Variants in RFTN1 observed in about 807,000 individuals in gnomAD.
RFTN1 encodes raftlin.
RFTN1 carries 26 observed loss-of-function variants against 46.5 expected under a neutral mutation model. The ratio of observed to expected loss-of-function variants is 0.56; its 90% confidence interval spans 0.41 to 0.78. RFTN1 has a LOEUF of 0.78. Among genes scored for constraint, RFTN1 ranks in the 30% least tolerant of loss-of-function variants. The pLI, the probability that RFTN1 is intolerant of heterozygous loss-of-function variation, is 0.00. For missense variants in RFTN1, 693 were observed against 718.7 expected, an observed-to-expected ratio of 0.96 and a Z score of 0.41; for synonymous variants, 261 against 284.2, an observed-to-expected ratio of 0.92 and a Z score of 0.82.
In RFTN1 at chr3:16,326,801, G is replaced by A. The variant is rs1298772274; in HGVS notation, c.1222C>T (p.Leu408=). 1 of 1,614,000 alleles carries A rather than the reference G, an allele frequency of 6.2e-7. No individual in the cohort carries two copies. Among genetic ancestry groups the A allele is most frequent in the Non-Finnish European group, 8.5e-7 (1 of 1,180,016 alleles). Residue 408 remains leucine, a synonymous_variant, in exon 8 of 10, where the codon CTA becomes TTA. Coordinates refer to ENST00000334133, the MANE Select transcript of RFTN1 (RefSeq NM_015150.2). The stretch of plus-strand genomic sequence containing the variant: ...GTAGTCTTGACGACGGGAGTTGGTA[G>A]CACACAGGTGAGCTGCCAGCCATAG... ...AAYGWQLTCV[L]PTPVVKTTSE... is the part of the protein sequence containing the mutation.
At chr3:16,333,564 A>C (rs960870611) in intron 7 of RFTN1, among the ~76,000 whole-genome samples, 2 of 152,214 alleles carry the variant, frequency 1.3e-5, no homozygotes, top group Admixed American at 1.3e-4. Context: ...CATTTAATAA[A>C]ATGTTATTAT....
chr3:16,354,583 TC>T (rs1391764846), intron 7 of RFTN1, among the ~76,000 whole-genome samples: 3 of 152,204 alleles, frequency 2.0e-5, no homozygotes, highest in Non-Finnish European at 4.4e-5. Flanking sequence ...CTTCAGGTCT[TC>T]CTTTCGTTGT....
chr3:16,323,305 A>G (rs1404251909), intron 9 of RFTN1, 71 bp downstream of exon 9: 11 of 1,186,082 alleles, frequency 9.3e-6, no homozygotes, highest in African/African-American at 1.5e-5. Flanking sequence ...GCCCCCTCAA[A>G]TGCTGCAGAA....
intron 3 of RFTN1, among the ~76,000 whole-genome samples, chr3:16,430,841 T>C (rs1030771719): frequency 4.6e-5 from 7 of 152,202 alleles, no homozygotes; most frequent in Non-Finnish European, 8.8e-5. Flanking sequence ...CCCTCCTGCA[T>C]ACAAAGTCTC....
rs2075187632 is a variant in RFTN1 at position 16,421,674 on chromosome 3, C to A, written c.332+12177G>T. 6.6e-6 allele frequency among the ~76,000 whole-genome samples: 1 copy of A among 152,076 alleles called. No individual in the cohort carries two copies. Among genetic ancestry groups the A allele is most frequent in the Non-Finnish European group, 1.5e-5 (1 of 67,986 alleles). Reference sequence around the variant, plus strand: ...CCAACATTGGTGTTTTAATCTCATACTGCGTCCCACAAAGCTCTTATGGGC... The same window carrying A: ...CCAACATTGGTGTTTTAATCTCATAATGCGTCCCACAAAGCTCTTATGGGC... On this transcript the variant is annotated intron_variant, in intron 3 of 9. Coordinates refer to ENST00000334133, the MANE Select transcript of RFTN1 (RefSeq NM_015150.2). The surrounding 1 kb of genome is among the most constrained non-coding windows in gnomAD (Gnocchi z 4.6).
Position 16,433,996 on chromosome 3 carries a change from G to T in RFTN1, c.187C>A (p.Arg63Ser), listed in dbSNP as rs370730387. The T allele has an allele frequency of 2.5e-6, 4 of 1,612,286 alleles. No homozygotes were observed. The highest frequency in any genetic ancestry group is 1.3e-5 in the African/African-American group (1 of 74,894). ...GSSAVRLASL[R>S]DLPAQLLELY... Reference sequence around the variant, plus strand: ...TCCAGGAGCTGGGCGGGCAGGTCACGCAGGGAGGCCAGCCTCACTGCTGAG... The same window carrying T: ...TCCAGGAGCTGGGCGGGCAGGTCACTCAGGGAGGCCAGCCTCACTGCTGAG... The change falls in exon 3 of 10, where the codon CGT (arginine) becomes AGT (serine). Residue 63 changes from arginine to serine, a missense_variant. Coordinates refer to ENST00000334133, the MANE Select transcript of RFTN1 (RefSeq NM_015150.2). The surrounding 1 kb of genome is among the most constrained non-coding windows in gnomAD (Gnocchi z 4.4).
chr3:16,364,303 T>C (rs2125345828), intron 6 of RFTN1, among the ~76,000 whole-genome samples: 1 of 152,356 alleles, frequency 6.6e-6, no homozygotes, highest in South Asian at 2.1e-4. Context: ...GTAAGAGCTG[T>C]CATTCCCTTT....
rs560819599 is a variant in RFTN1 at position 16,385,473 on chromosome 3, G to A, written c.442-7371C>T. On this transcript the variant is annotated intron_variant, in intron 4 of 9. Coordinates refer to ENST00000334133, the MANE Select transcript of RFTN1 (RefSeq NM_015150.2). This position sits in a 1 kb window ranked among gnomAD's most constrained non-coding sequence, Gnocchi z 5.0. ...TGAGAGGTCTTAGAATCTGCCCTTG[G>A]ACAAAGAGTTTGAAGGCTTAAAGCT... is the stretch of plus-strand genomic sequence containing the variant. Among the ~76,000 whole-genome samples the A allele has an allele frequency of 7.2e-5, 11 of 152,278 alleles. No individual in the cohort carries two copies. In the South Asian group the frequency reaches 2.3e-3, roughly 32 times the overall value.
In RFTN1 at chr3:16,383,432, G is replaced by A. The variant is rs569737392; in HGVS notation, c.442-5330C>T. Among the ~76,000 whole-genome samples, 56 of 152,242 alleles carry A rather than the reference G, an allele frequency of 3.7e-4. No individual in the cohort carries two copies. Among genetic ancestry groups the A allele is most frequent in the African/African-American group, 1.2e-3 (51 of 41,534 alleles). On this transcript the variant is annotated intron_variant, in intron 4 of 9. Coordinates refer to ENST00000334133, the MANE Select transcript of RFTN1 (RefSeq NM_015150.2). The surrounding 1 kb of genome is among the most constrained non-coding windows in gnomAD (Gnocchi z 4.0). ...ATAATAAGTAAGGACATGCTCCACT[G>A]TAACTATAATCAGGAATCATGATGT...
rs953445394 is a variant in RFTN1, at chr3:16,440,464, C to T, written c.146-6427G>A. Among the ~76,000 whole-genome samples, 1 of 152,194 alleles carries T rather than the reference C, an allele frequency of 6.6e-6. No homozygotes were observed. The highest frequency in any genetic ancestry group is 6.5e-5 in the Admixed American group (1 of 15,280). Reference sequence around the variant, plus strand: ...CTTCATCCCATACCAGGGCTTTGTCCTGCTGCAGTGCAAAGGACAATTCTC... The same window carrying T: ...CTTCATCCCATACCAGGGCTTTGTCTTGCTGCAGTGCAAAGGACAATTCTC... On this transcript the variant is annotated intron_variant, in intron 2 of 9. Transcript: ENST00000334133. This position sits in a 1 kb window ranked among gnomAD's most constrained non-coding sequence, Gnocchi z 4.6.
chr3:16,340,200 TTGACTCTGAGCTGGTTTTG>T (rs2071221922), intron 7 of RFTN1, among the ~76,000 whole-genome samples: 1 of 152,240 alleles, frequency 6.6e-6, no homozygotes, highest in South Asian at 2.1e-4. Context: ...TCTCCATCTC[TTGACTCTGAGCTGGTTTTG>T]TGACTTTCTT....
intron 8 of RFTN1, among the ~76,000 whole-genome samples, chr3:16,325,485 C>A (rs1206592379): frequency 6.6e-6 from 1 of 152,228 alleles, no homozygotes; most frequent in Non-Finnish European, 1.5e-5. Context: ...TGAGTCTTGT[C>A]TTCTGGAAAT....
At chr3:16,333,749 T>G (rs1472656732) in intron 7 of RFTN1, among the ~76,000 whole-genome samples, 1 of 151,758 alleles carries the variant, frequency 6.6e-6, no homozygotes, top group African/African-American at 2.4e-5. Flanking sequence ...TTGTAAAAAT[T>G]GAAAAGAAAA....
intron 4 of RFTN1, among the ~76,000 whole-genome samples, chr3:16,398,244 CAAAAAA>C (rs202032095): frequency 4.2e-3 from 464 of 110,626 alleles, no homozygotes; most frequent in African/African-American, 0.013. Context: ...AAGACTGTCT[CAAAAAA>C]AAAAAAAAAA....
rs79887027 is a variant in RFTN1 at position 16,321,453 on chromosome 3, T to C, written c.1332+1923A>G. 7.5e-3 allele frequency among the ~76,000 whole-genome samples: 1,146 copies of C among 152,130 alleles called. 47 individuals are homozygous for C. In the South Asian group the frequency reaches 0.11, roughly 15 times the overall value. ...CCGGGCTGCAAGAGCTCAGGCATGA[T>C]GAGGACTAGATGGAGTGACTCTCGG... is the stretch of plus-strand genomic sequence containing the variant. On this transcript the variant is annotated intron_variant, in intron 9 of 9. Coordinates refer to ENST00000334133, the MANE Select transcript of RFTN1 (RefSeq NM_015150.2). This position sits in a 1 kb window ranked among gnomAD's most constrained non-coding sequence, Gnocchi z 4.8.
At position 16,402,883 on chromosome 3, in the gene RFTN1, G is replaced by A. The variant is rs968187382; in HGVS notation, c.441+6492C>T. On this transcript the variant is annotated intron_variant, in intron 4 of 9. Transcript: ENST00000334133. This position sits in a 1 kb window ranked among gnomAD's most constrained non-coding sequence, Gnocchi z 4.5. ...AAGGCTCAGTGGGCCAGTGCAAGAT[G>A]AACCTAGTTCTTAAGGAGATCAGGG... 1.3e-5 allele frequency among the ~76,000 whole-genome samples: 2 copies of A among 152,178 alleles called. No homozygotes were observed. Among genetic ancestry groups the A allele is most frequent in the Non-Finnish European group, 2.9e-5 (2 of 68,040 alleles).
rs2075985097 is a variant in RFTN1, at chr3:16,460,289, A to C, written c.146-26252T>G. Among the ~76,000 whole-genome samples the C allele has an allele frequency of 6.6e-6, 1 of 152,154 alleles. No individual in the cohort carries two copies. Among genetic ancestry groups the C allele is most frequent in the Admixed American group, 6.5e-5 (1 of 15,280 alleles). ...GATGAGTTGCACATGGGTAGCATTTATATTAACTAAATTTGGTTTTCATTT... is the reference window on the plus strand; with the variant it reads ...GATGAGTTGCACATGGGTAGCATTTCTATTAACTAAATTTGGTTTTCATTT... On this transcript the variant is annotated intron_variant, in intron 2 of 9. Coordinates refer to ENST00000334133, the MANE Select transcript of RFTN1 (RefSeq NM_015150.2). This position sits in a 1 kb window ranked among gnomAD's most constrained non-coding sequence, Gnocchi z 4.8.
rs1390539351 is a variant in RFTN1 at position 16,509,876 on chromosome 3, T to C, written c.-9+3566A>G. On this transcript the variant is annotated intron_variant, in intron 1 of 9. Transcript: ENST00000334133. The surrounding 1 kb of genome is among the most constrained non-coding windows in gnomAD (Gnocchi z 4.9). ...GGAACAGTCCCCAAACACAGTGCAA[T>C]GTCTCAAGACTGAGCTGTCTGCCAT... is the stretch of plus-strand genomic sequence containing the variant. Among the ~76,000 whole-genome samples, 2 of 152,216 alleles carry C rather than the reference T, an allele frequency of 1.3e-5. No homozygotes were observed. The highest frequency in any genetic ancestry group is 2.9e-5 in the Non-Finnish European group (2 of 68,032).
rs1256948165 is a variant in RFTN1, at chr3:16,400,968, G to T, written c.441+8407C>A. Among the ~76,000 whole-genome samples, 5 of 151,818 alleles carry T rather than the reference G, an allele frequency of 3.3e-5. No homozygotes were observed. The highest frequency in any genetic ancestry group is 1.5e-5 in the Non-Finnish European group (1 of 67,926). On this transcript the variant is annotated intron_variant, in intron 4 of 9. Coordinates refer to ENST00000334133, the MANE Select transcript of RFTN1 (RefSeq NM_015150.2). This position sits in a 1 kb window ranked among gnomAD's most constrained non-coding sequence, Gnocchi z 4.5. ...TCCCACCTCGCCCTGCCTGGAACCT[G>T]CCTCCATCTTTTATCACCTCTTCTC...
Sources: allele counts gnomAD v4.1 joint callset (sites outside exome capture counted in the v4.1 genomes callset), GRCh38; gene constraint gnomAD v4.1.1; non-coding constraint Gnocchi (gnomAD v3.1); transcripts MANE v1.5; gene names NCBI Gene and HGNC (gene_info 2026-07-23, HGNC 2026-07-21).